The following DAB1 variants were observed in gnomAD, a reference collection of about 807,000 sequenced individuals.
DAB1 encodes disabled homolog 1.
A neutral mutation model predicts 64.6 loss-of-function variants in DAB1; 15 were observed. The ratio of observed to expected loss-of-function variants is 0.23; its 90% CI spans 0.16 to 0.36. The LOEUF is 0.36. Among genes scored for constraint, DAB1 ranks in the 10% least tolerant of loss-of-function variants. The probability of loss-of-function intolerance (pLI) is 1.00; values close to 1 mark genes in which losing one functional copy is unlikely to be tolerated. For missense variants in DAB1, 596 were observed against 706.7 expected (o/e 0.84, Z 1.78); for synonymous variants, 235 against 251.9 (o/e 0.93, Z 0.64).
At chr1:57,123,753 A>C (rs186324540) in intron 4 of DAB1, among the ~76,000 whole-genome samples, 20 of 152,272 alleles carry the variant, frequency 1.3e-4, no homozygotes, top group Admixed American at 3.9e-4. Flanking sequence ...GTTGTAGAAG[A>C]ATAATTAGTG....
rs905798653 is a variant in DAB1, at chr1:58,082,807, T to TG, written n.387+67703dup. Reference sequence around the variant, plus strand: ...GAGGGGACAGGACACAGCAGACAGGTGGGGGGGAGGGGTGGCCACCAGGAG... The same window carrying TG: ...GAGGGGACAGGACACAGCAGACAGGTGGGGGGGGAGGGGTGGCCACCAGGAG... On this transcript the variant is annotated intron_variant and non_coding_transcript_variant, in intron 5 of 20. Transcript: ENST00000485760. Among the ~76,000 whole-genome samples the TG allele has an allele frequency of 2.7e-5, 4 of 150,318 alleles. No homozygotes were observed. The East Asian group carries it at 5.9e-4, about 22-fold the overall frequency.
chr1:57,084,969 C>T (rs1652924699), intron 4 of DAB1, among the ~76,000 whole-genome samples: 2 of 152,138 alleles, frequency 1.3e-5, no homozygotes, highest in Non-Finnish European at 1.5e-5. Flanking sequence ...GGAAAATGAA[C>T]TGTCAGTAAA....
At chr1:57,365,627 T>G (rs1679934135) in intron 1 of DAB1, among the ~76,000 whole-genome samples, 1 of 151,912 alleles carries the variant, frequency 6.6e-6, no homozygotes, top group South Asian at 2.1e-4. Flanking sequence ...TTCTGAGCAG[T>G]TCAGTGAAGT....
At chr1:58,021,717 T>C (rs1005078792) in intron 5 of DAB1, among the ~76,000 whole-genome samples, 12 of 152,068 alleles carry the variant, frequency 7.9e-5, no homozygotes, top group Non-Finnish European at 1.8e-4. Flanking sequence ...CCCAAGAGAA[T>C]GGAAGTCTGG....
intron 7 of DAB1, among the ~76,000 whole-genome samples, chr1:57,582,572 A>C (rs1645326615): frequency 6.6e-6 from 1 of 152,234 alleles, no homozygotes; most frequent in South Asian, 2.1e-4. Flanking sequence ...GAACAGGAGG[A>C]TACACAAACT....
intron 4 of DAB1, among the ~76,000 whole-genome samples, chr1:57,129,490 A>T (rs982551984): frequency 2.0e-5 from 3 of 152,120 alleles, no homozygotes; most frequent in African/African-American, 7.2e-5. Flanking sequence ...ATACACAAAG[A>T]GTATGGGGGT....
intron 4 of DAB1, among the ~76,000 whole-genome samples, chr1:58,262,206 A>G (rs1431964734): frequency 1.3e-5 from 2 of 152,222 alleles, no homozygotes; most frequent in Admixed American, 6.5e-5. Context: ...AGGAGCCTAT[A>G]GAGGGCACTA....
intron 1 of DAB1, among the ~76,000 whole-genome samples, chr1:58,533,404 C>T (rs749406957): frequency 4.9e-4 from 75 of 152,138 alleles, no homozygotes; most frequent in African/African-American, 1.5e-3. Flanking sequence ...AAATACATAC[C>T]TCATTGGGTA....
At chr1:57,588,507 A>C (rs1177696228) in intron 7 of DAB1, among the ~76,000 whole-genome samples, 2 of 152,232 alleles carry the variant, frequency 1.3e-5, no homozygotes, top group African/African-American at 4.8e-5. Flanking sequence ...AATACCAAGA[A>C]GGTTAAAGTC....
At chr1:57,468,080 T>C (rs187002636) in intron 7 of DAB1, among the ~76,000 whole-genome samples, 2 of 152,358 alleles carry the variant, frequency 1.3e-5, no homozygotes, top group African/African-American at 2.4e-5. Context: ...CACTGAACTA[T>C]ATTTTCTTGA....
intron 3 of DAB1, among the ~76,000 whole-genome samples, chr1:58,433,806 T>C (rs1413432770): frequency 6.6e-6 from 1 of 152,166 alleles, no homozygotes; most frequent in Non-Finnish European, 1.5e-5. Flanking sequence ...TAATCACCTC[T>C]TAACGGTCCA....
At chr1:58,437,110 T>C (rs1443488933) in intron 3 of DAB1, among the ~76,000 whole-genome samples, 1 of 152,192 alleles carries the variant, frequency 6.6e-6, no homozygotes, top group South Asian at 2.1e-4. Flanking sequence ...ATTCAGAGCC[T>C]CTCTTATCTC....
At chr1:57,025,037 C>T (rs1301196049) in intron 10 of DAB1, among the ~76,000 whole-genome samples, 5 of 151,902 alleles carry the variant, frequency 3.3e-5, no homozygotes, top group East Asian at 3.9e-4. Context: ...CTCTGTGAGG[C>T]GCATCTTGCC....
At chr1:58,329,124 A>G (rs557450422) in intron 4 of DAB1, among the ~76,000 whole-genome samples, 3 of 152,242 alleles carry the variant, frequency 2.0e-5, no homozygotes, top group Admixed American at 1.3e-4. Flanking sequence ...TTTTCTTACT[A>G]CAAAAGTAAT....
chr1:57,877,551 T>TATAATTACAAAAGTTACACA (rs1292013391), intron 1 of DAB1, among the ~76,000 whole-genome samples: 1 of 87,114 alleles, frequency 1.1e-5, no homozygotes, highest in African/African-American at 5.1e-5. Context: ...ATTTATTTTT[T>TATAATTACAAAAGTTACACA]TTTTTTTTTT....
chr1:57,177,863 TAAAATCACAATATAGGCATAAAG>T (rs1662494949), intron 2 of DAB1, among the ~76,000 whole-genome samples: 1 of 152,208 alleles, frequency 6.6e-6, no homozygotes, highest in South Asian at 2.1e-4. Context: ...TATACTCTTC[TAAAATCACAATATAGGCATAAAG>T]TAAACTTTTG....
chr1:58,126,468 T>C (rs1431313217), intron 5 of DAB1, among the ~76,000 whole-genome samples: 1 of 147,656 alleles, frequency 6.8e-6, no homozygotes, highest in Non-Finnish European at 1.5e-5. Context: ...TTTTTTTTTT[T>C]ATTATACTTT....
At chr1:58,505,578 GAAAT>G (rs1380277900) in intron 3 of DAB1, among the ~76,000 whole-genome samples, 5 of 151,964 alleles carry the variant, frequency 3.3e-5, no homozygotes, top group African/African-American at 1.2e-4. Flanking sequence ...TCTTCATAAA[GAAAT>G]AAATAACCAG....
chr1:57,398,435 A>G (rs1294144879), intron 1 of DAB1, among the ~76,000 whole-genome samples: 3 of 152,160 alleles, frequency 2.0e-5, no homozygotes, highest in African/African-American at 7.2e-5. Flanking sequence ...CAGATAATAA[A>G]AACTTGCAGG....
Sources: gnomAD v4.1 joint callset for allele counts (sites outside exome capture counted in the v4.1 genomes callset) on GRCh38, gnomAD v4.1.1 for gene constraint, MANE v1.5 for transcripts, NCBI Gene and HGNC (gene_info 2026-07-23, HGNC 2026-07-21) for gene names.